Variants in CERT1 observed in about 807,000 individuals in gnomAD.
CERT1 encodes the protein ceramide transfer protein.
In CERT1, 31 loss-of-function variants were observed where a neutral mutation model predicts 87.9. The observed-to-expected ratio is 0.35, with a 90% CI of 0.27 to 0.48. The LOEUF (loss-of-function observed/expected upper bound fraction) is 0.48. Among genes scored for constraint, CERT1 ranks in the 20% least tolerant of loss-of-function variants. The pLI, the probability that CERT1 is intolerant of heterozygous loss-of-function variation, is 0.99. For synonymous variants in CERT1, 289 were observed against 250.9 expected (o/e 1.15, Z -1.44); for missense variants, 487 against 758.0 (o/e 0.64, Z 4.20).
chr5:75,464,223 C>A (rs1765359075), intron 2 of CERT1, among the ~76,000 whole-genome samples: 2 of 152,234 alleles, frequency 1.3e-5, no homozygotes, highest in Middle Eastern at 3.4e-3. Flanking sequence ...AGTAAAGGAA[C>A]TGGAGGCAGC....
intron 3 of CERT1, among the ~76,000 whole-genome samples, chr5:75,427,794 T>C (rs968110418): frequency 1.3e-5 from 2 of 152,174 alleles, no homozygotes; most frequent in Admixed American, 6.5e-5. Context: ...AACCTGTAGG[T>C]TTAGTAAACA....
chr5:75,401,419 A>T (rs1477249897), intron 9 of CERT1: 2 of 152,214 alleles, frequency 1.3e-5, no homozygotes, highest in Non-Finnish European at 2.9e-5. Flanking sequence ...CAGAGAATTC[A>T]GTGATAAGTT....
At chr5:75,399,281 C>G in intron 11 of CERT1, 29 bp downstream of exon 11, 1 of 1,513,738 alleles carries the variant, frequency 6.6e-7, no homozygotes, top group Non-Finnish European at 9.2e-7. Flanking sequence ...CAGAAAGACT[C>G]AAGTCCACTC....
intron 11 of CERT1, among the ~76,000 whole-genome samples, chr5:75,396,045 T>C (rs1395071664): frequency 6.6e-6 from 1 of 152,206 alleles, no homozygotes; most frequent in Non-Finnish European, 1.5e-5. Context: ...TATTTTAAGC[T>C]GTTTTCAGGG....
At chr5:75,384,363 G>A (rs2112006915) in intron 14 of CERT1, among the ~76,000 whole-genome samples, 1 of 152,212 alleles carries the variant, frequency 6.6e-6, no homozygotes, top group African/African-American at 2.4e-5. Flanking sequence ...GCAAGACCCT[G>A]TCTCTTTAAA....
intron 12 of CERT1, among the ~76,000 whole-genome samples, chr5:75,388,599 C>CATATATATATATCTCATGCATGCAT: frequency 1.1e-5 from 1 of 91,858 alleles, no homozygotes; most frequent in South Asian, 3.8e-4. Flanking sequence ...AGCATGCATG[C>CATATATATATATCTCATGCATGCAT]ATATATATAT....
chr5:75,381,423 T>C (rs936092257), intron 15 of CERT1, among the ~76,000 whole-genome samples: 2 of 151,834 alleles, frequency 1.3e-5, no homozygotes, highest in Admixed American at 6.6e-5. Context: ...GGTGCCATCA[T>C]AGTTCACTGC....
chr5:75,439,663 A>C (rs1479316344), intron 3 of CERT1, among the ~76,000 whole-genome samples: 1 of 152,086 alleles, frequency 6.6e-6, no homozygotes, highest in Admixed American at 6.5e-5. Context: ...TAATAAAATC[A>C]AACAAGCTGA....
At chr5:75,483,462 T>C (rs568885141) in intron 2 of CERT1, among the ~76,000 whole-genome samples, 135 of 152,236 alleles carry the variant, frequency 8.9e-4, no homozygotes, top group Middle Eastern at 3.4e-3. Flanking sequence ...GTAGAAAGTT[T>C]GATTCAAAGC....
downstream of CERT1, chr5:75,374,724 A>C: frequency 1.7e-6 from 1 of 589,614 alleles, no homozygotes; most frequent in Non-Finnish European, 3.2e-6. Flanking sequence ...TCAGGAATCG[A>C]TCTCATGAAG....
At chr5:75,462,990 CA>C (rs1174306526) in intron 2 of CERT1, among the ~76,000 whole-genome samples, 2,093 of 38,834 alleles carry the variant, frequency 0.054, 10 homozygotes, top group African/African-American at 0.093. Context: ...GACTCCGTCT[CA>C]AAAAAAAAAA....
intron 3 of CERT1, among the ~76,000 whole-genome samples, chr5:75,457,319 ACTT>A (rs745675272): frequency 1.3e-5 from 2 of 152,164 alleles, no homozygotes; most frequent in African/African-American, 2.4e-5. Context: ...TCTTACTACT[ACTT>A]TGAGCAGAAG....
chr5:75,409,610 T>A (rs1762847241), intron 8 of CERT1, among the ~76,000 whole-genome samples: 1 of 152,146 alleles, frequency 6.6e-6, no homozygotes. Flanking sequence ...CACTGCAACC[T>A]CTGCCTCCCG....
intron 7 of CERT1, among the ~76,000 whole-genome samples, chr5:75,411,894 C>A (rs1561243901): frequency 6.6e-6 from 1 of 152,050 alleles, no homozygotes; most frequent in African/African-American, 2.4e-5. Context: ...AGAAAGAAAA[C>A]CTTCTTATAC....
chr5:75,484,891 C>CA (rs1316801614), intron 2 of CERT1, among the ~76,000 whole-genome samples: 1 of 152,086 alleles, frequency 6.6e-6, no homozygotes, highest in Non-Finnish European at 1.5e-5. Context: ...ATTTACAGAT[C>CA]ATGTTATACA....
intron 7 of CERT1, among the ~76,000 whole-genome samples, chr5:75,416,272 AT>A (rs1763130483): frequency 1.3e-5 from 2 of 152,132 alleles, no homozygotes; most frequent in South Asian, 2.1e-4. Flanking sequence ...CAACTCTAAC[AT>A]TTTACTATTA....
intron 2 of CERT1, among the ~76,000 whole-genome samples, chr5:75,485,368 T>C (rs1266033419): frequency 7.1e-6 from 1 of 139,888 alleles, no homozygotes; most frequent in Non-Finnish European, 1.5e-5. Context: ...GAGCCTATGG[T>C]ATACAGTGAA....
chr5:75,415,093 G>A (rs555180399), intron 7 of CERT1, among the ~76,000 whole-genome samples: 3 of 152,038 alleles, frequency 2.0e-5, no homozygotes, highest in African/African-American at 4.8e-5. Context: ...CTTGAATAGA[G>A]TTGCTTACCA....
chr5:75,420,520 T>C (rs986244256), intron 5 of CERT1, among the ~76,000 whole-genome samples: 2 of 151,984 alleles, frequency 1.3e-5, no homozygotes, highest in Non-Finnish European at 2.9e-5. Context: ...ATTTTTTGTA[T>C]TTTTAGTAGA....
Sources: allele counts gnomAD v4.1 joint callset (sites outside exome capture counted in the v4.1 genomes callset), GRCh38; gene constraint gnomAD v4.1.1; transcripts MANE v1.5; gene names NCBI Gene and HGNC (gene_info 2026-07-23, HGNC 2026-07-21).